Variants in VPS13B observed in about 807,000 individuals in gnomAD.
The protein encoded by VPS13B is vacuolar protein sorting 13 homolog B, also known as intermembrane lipid transfer protein VPS13B.
A neutral mutation model predicts 426.4 loss-of-function variants in VPS13B; 285 were observed. The observed-to-expected ratio is 0.67, with a 90% CI of 0.61 to 0.74. The LOEUF is 0.74. Ranked by LOEUF, VPS13B falls within the 30% of genes least tolerant of loss-of-function variation. VPS13B has a pLI of 0.00. For synonymous variants in VPS13B, 1,676 were observed against 1,676.4 expected (o/e 1.00, Z 0.01); for missense variants, 4,537 against 4,782.6 (o/e 0.95, Z 1.51).
intron 33 of VPS13B, among the ~76,000 whole-genome samples, chr8:99,604,096 G>A (rs1827450711): frequency 6.6e-6 from 1 of 151,910 alleles, no homozygotes; most frequent in African/African-American, 2.4e-5. Context: ...TAAACTTCTT[G>A]GCAGCCCAAA....
At chr8:99,278,647 C>A (rs551120542) in intron 19 of VPS13B, among the ~76,000 whole-genome samples, 1 of 152,268 alleles carries the variant, frequency 6.6e-6, no homozygotes, top group East Asian at 1.9e-4. Flanking sequence ...GGCTGTTTAT[C>A]ATTTTCTCTT....
intron 39 of VPS13B, among the ~76,000 whole-genome samples, chr8:99,759,659 A>G (rs1335760384): frequency 2.6e-5 from 4 of 152,140 alleles, no homozygotes; most frequent in Non-Finnish European, 5.9e-5. Context: ...AGAATGGCCA[A>G]AAATGAACTT....
chr8:99,502,691 A>T (rs1039601089), intron 26 of VPS13B, 145 bp from the exon 27 acceptor site: 9 of 715,800 alleles, frequency 1.3e-5, no homozygotes, highest in Non-Finnish European at 2.2e-5. Flanking sequence ...GCCTATGCTG[A>T]TTTGCTTATT....
chr8:99,614,873 TTTG>T (rs1363511614), intron 33 of VPS13B, among the ~76,000 whole-genome samples: 2 of 151,942 alleles, frequency 1.3e-5, no homozygotes, highest in Non-Finnish European at 2.9e-5. Context: ...ATCCCAGCAC[TTTG>T]GGAGCCTAAG....
In VPS13B at chr8:99,356,354, A is replaced by G. The variant is rs190642933; in HGVS notation, c.2825-27854A>G. On this transcript the variant is annotated intron_variant, in intron 19 of 61. Coordinates refer to ENST00000357162, the MANE Select transcript of VPS13B (RefSeq NM_152564.5). ...TAAAAAAGAAGTAAAATACTTAAAA[A>G]CAAGCATCTTGGGCAAGGCGCAGGG... Among the ~76,000 whole-genome samples, 10 of 152,286 alleles carry G rather than the reference A, an allele frequency of 6.6e-5. No individual in the cohort carries two copies. The South Asian group carries it at 1.2e-3, about 19-fold the overall frequency.
At chr8:99,268,260 G>A (rs1263070774) in intron 17 of VPS13B, among the ~76,000 whole-genome samples, 1 of 152,224 alleles carries the variant, frequency 6.6e-6, no homozygotes, top group Non-Finnish European at 1.5e-5. Flanking sequence ...CCCACACAGA[G>A]TCCCTACTGG....
chr8:99,148,614 TTC>T (rs942657132), intron 14 of VPS13B, among the ~76,000 whole-genome samples: 7 of 152,190 alleles, frequency 4.6e-5, no homozygotes, highest in Non-Finnish European at 7.3e-5. Context: ...AGCCCTGATT[TTC>T]TCTTCTCAAA....
intron 33 of VPS13B, among the ~76,000 whole-genome samples, chr8:99,621,932 C>A: frequency 6.8e-6 from 1 of 147,042 alleles, no homozygotes; most frequent in Non-Finnish European, 1.5e-5. Context: ...CTCCCAGGTT[C>A]AAGCGATTCT....
At chr8:99,433,016 A>G (rs902633285) in intron 22 of VPS13B, among the ~76,000 whole-genome samples, 1 of 152,228 alleles carries the variant, frequency 6.6e-6, no homozygotes, top group Non-Finnish European at 1.5e-5. Flanking sequence ...TAATTTGACT[A>G]TAATGGTGAT....
chr8:99,143,519 A>G (rs1326217032), intron 13 of VPS13B, among the ~76,000 whole-genome samples: 1 of 152,182 alleles, frequency 6.6e-6, no homozygotes, highest in Non-Finnish European at 1.5e-5. Context: ...CAAATTTAAC[A>G]TTGAAGAAAA....
intron 19 of VPS13B, among the ~76,000 whole-genome samples, chr8:99,337,975 G>A (rs1811021149): frequency 6.6e-6 from 1 of 151,784 alleles, no homozygotes; most frequent in Admixed American, 6.6e-5. Context: ...CCCATTCAGT[G>A]CCCTGGCATG....
At chr8:99,137,338 T>G (rs937613251) in intron 12 of VPS13B, among the ~76,000 whole-genome samples, 2 of 151,664 alleles carry the variant, frequency 1.3e-5, no homozygotes, top group Non-Finnish European at 2.9e-5. Context: ...AGGTTCACAG[T>G]TTTTTTTGGT....
intron 54 of VPS13B, among the ~76,000 whole-genome samples, chr8:99,844,009 A>G (rs1815848942): frequency 6.6e-6 from 1 of 152,130 alleles, no homozygotes; most frequent in African/African-American, 2.4e-5. Context: ...GGAAAGTTAT[A>G]CCCTTGATTT....
At chr8:99,732,374 G>A (rs1833642380) in intron 39 of VPS13B, among the ~76,000 whole-genome samples, 1 of 152,108 alleles carries the variant, frequency 6.6e-6, no homozygotes, top group East Asian at 1.9e-4. Context: ...TCCTGCTCCA[G>A]CCACAAGAAT....
At chr8:99,624,292 T>C (rs952081294) in intron 33 of VPS13B, among the ~76,000 whole-genome samples, 1 of 152,106 alleles carries the variant, frequency 6.6e-6, no homozygotes, top group Non-Finnish European at 1.5e-5. Flanking sequence ...GGAAATGGCA[T>C]TAGATCTTTG....
At chr8:99,706,063 C>T (rs925679265) in intron 36 of VPS13B, among the ~76,000 whole-genome samples, 1 of 151,906 alleles carries the variant, frequency 6.6e-6, no homozygotes, top group Non-Finnish European at 1.5e-5. Context: ...CCTTGTTAGA[C>T]AAAAAACAAG....
intron 45 of VPS13B, 60 bp downstream of exon 45, chr8:99,817,863 G>A (rs1814136143): frequency 1.2e-6 from 2 of 1,612,224 alleles, no homozygotes; most frequent in Non-Finnish European, 1.7e-6. Flanking sequence ...TTCTCAAAAT[G>A]TTCTTTACTC....
At chr8:99,257,157 G>A (rs142592150) in intron 17 of VPS13B, among the ~76,000 whole-genome samples, 4 of 152,238 alleles carry the variant, frequency 2.6e-5, no homozygotes, top group African/African-American at 9.6e-5. Context: ...AATCTAGTGG[G>A]CAATTACATT....
At chr8:99,532,881 T>A (rs914976616) in intron 30 of VPS13B, among the ~76,000 whole-genome samples, 4 of 151,416 alleles carry the variant, frequency 2.6e-5, no homozygotes, top group African/African-American at 4.8e-5. Flanking sequence ...GAAGTTTTTT[T>A]AAAATTAATC....
Sources: gnomAD v4.1 joint callset for allele counts (sites outside exome capture counted in the v4.1 genomes callset) on GRCh38, gnomAD v4.1.1 for gene constraint, MANE v1.5 for transcripts, NCBI Gene and HGNC (gene_info 2026-07-23, HGNC 2026-07-21) for gene names.